The following SLC35F1 variants were observed in gnomAD, a reference collection of about 807,000 sequenced individuals.
The protein encoded by SLC35F1 is chromosome 6 open reading frame 169.
Under a neutral mutation model 48.7 loss-of-function variants are expected in SLC35F1, and 14 were observed. The ratio of observed to expected loss-of-function variants is 0.29; its 90% CI spans 0.19 to 0.45. SLC35F1 has a LOEUF of 0.45. Ranked by LOEUF, SLC35F1 falls within the 20% of genes least tolerant of loss-of-function variation. The pLI is 1.00. For missense variants in SLC35F1, 404 were observed against 500.0 expected (o/e 0.81, Z 1.83); for synonymous variants, 190 against 202.2 (o/e 0.94, Z 0.51).
At chr6:118,160,539 T>G (rs1369542226) in intron 2 of SLC35F1, among the ~76,000 whole-genome samples, 1 of 152,154 alleles carries the variant, frequency 6.6e-6, no homozygotes, top group Non-Finnish European at 1.5e-5. Context: ...GAAAGAATAC[T>G]GAAAAGTGAA....
chr6:117,967,758 C>T (rs1488434179), intron 1 of SLC35F1, among the ~76,000 whole-genome samples: 2 of 152,154 alleles, frequency 1.3e-5, no homozygotes, highest in African/African-American at 2.4e-5. Context: ...TTGGTAGACA[C>T]AGCTACCAAG....
intron 2 of SLC35F1, among the ~76,000 whole-genome samples, chr6:118,191,562 C>T (rs548361188): frequency 2.6e-4 from 39 of 152,082 alleles, no homozygotes; most frequent in Non-Finnish European, 1.5e-5. Flanking sequence ...AGATTATGAA[C>T]CGAAAGTTCA....
intron 1 of SLC35F1, among the ~76,000 whole-genome samples, chr6:118,101,972 T>A (rs1773264757): frequency 6.6e-6 from 1 of 152,148 alleles, no homozygotes; most frequent in South Asian, 2.1e-4. Flanking sequence ...CAGGCATACG[T>A]CTGAGTACCC....
At chr6:118,308,034 A>G (rs1776333057) in intron 7 of SLC35F1, among the ~76,000 whole-genome samples, 1 of 152,162 alleles carries the variant, frequency 6.6e-6, no homozygotes, top group South Asian at 2.1e-4. Context: ...CGAAAGGTCC[A>G]CCCTTTAATT....
At chr6:117,936,190 G>C (rs945948870) in intron 1 of SLC35F1, among the ~76,000 whole-genome samples, 1 of 152,192 alleles carries the variant, frequency 6.6e-6, no homozygotes, top group Admixed American at 6.5e-5. Flanking sequence ...GTGCTGCCAA[G>C]TGTGGTGTTT....
intron 1 of SLC35F1, among the ~76,000 whole-genome samples, chr6:118,096,330 T>A (rs188667333): frequency 3.2e-4 from 48 of 152,342 alleles, no homozygotes; most frequent in Middle Eastern, 3.4e-3. Context: ...TTTCCTTTAG[T>A]TAACGCATAG....
chr6:118,156,133 T>C (rs1175521566), intron 2 of SLC35F1, among the ~76,000 whole-genome samples: 1 of 152,142 alleles, frequency 6.6e-6, no homozygotes, highest in Non-Finnish European at 1.5e-5. Flanking sequence ...AAGAATAAAA[T>C]AGGCCACCAA....
intron 1 of SLC35F1, among the ~76,000 whole-genome samples, chr6:117,939,907 C>T (rs973034968): frequency 5.9e-5 from 9 of 152,070 alleles, no homozygotes; most frequent in African/African-American, 2.2e-4. Flanking sequence ...TTCCTCAGGT[C>T]CTATAGCCCT....
At chr6:118,266,267 C>T (rs1329335440) in intron 3 of SLC35F1, among the ~76,000 whole-genome samples, 2 of 152,130 alleles carry the variant, frequency 1.3e-5, no homozygotes, top group African/African-American at 4.8e-5. Context: ...TCTCTATCAA[C>T]TCTTTGGACT....
intron 1 of SLC35F1, among the ~76,000 whole-genome samples, chr6:118,072,575 A>C (rs182294531): frequency 6.6e-6 from 1 of 152,174 alleles, no homozygotes; most frequent in Non-Finnish European, 1.5e-5. Context: ...AAAAAAGAAA[A>C]AAAAAATTAG....
chr6:117,949,537 A>G (rs1445475147), intron 1 of SLC35F1, among the ~76,000 whole-genome samples: 1 of 152,058 alleles, frequency 6.6e-6, no homozygotes, highest in Non-Finnish European at 1.5e-5. Flanking sequence ...GGTGTGATTT[A>G]TGTGAGACGC....
At chr6:118,135,939 C>G (rs780549466) in intron 1 of SLC35F1, among the ~76,000 whole-genome samples, 1 of 152,156 alleles carries the variant, frequency 6.6e-6, no homozygotes, top group African/African-American at 2.4e-5. Context: ...TGCCAGAGGT[C>G]CTATAAAAGA....
At chr6:118,268,607 T>G (rs1377191215) in intron 4 of SLC35F1, among the ~76,000 whole-genome samples, 2 of 94,528 alleles carry the variant, frequency 2.1e-5, no homozygotes, top group Non-Finnish European at 4.2e-5. Context: ...TATATTTTTT[T>G]TTTTTTTTTT....
chr6:117,947,526 G>C (rs546220661), intron 1 of SLC35F1, among the ~76,000 whole-genome samples: 4 of 152,112 alleles, frequency 2.6e-5, no homozygotes, highest in Non-Finnish European at 5.9e-5. Context: ...GGCAAGAACA[G>C]AATTAGAGAG....
At chr6:117,982,469 A>T (rs1169882580) in intron 1 of SLC35F1, among the ~76,000 whole-genome samples, 1 of 152,230 alleles carries the variant, frequency 6.6e-6, no homozygotes, top group Non-Finnish European at 1.5e-5. Flanking sequence ...TTCCATGCAC[A>T]TAAAATGTTA....
intron 1 of SLC35F1, among the ~76,000 whole-genome samples, chr6:118,148,719 G>A (rs1774011628): frequency 1.3e-5 from 2 of 152,110 alleles, no homozygotes; most frequent in South Asian, 4.1e-4. Flanking sequence ...TGCATCTGGT[G>A]TGTTATTCCA....
At chr6:117,954,930 T>C (rs1248964229) in intron 1 of SLC35F1, among the ~76,000 whole-genome samples, 1 of 152,244 alleles carries the variant, frequency 6.6e-6, no homozygotes, top group East Asian at 1.9e-4. Context: ...AAGCATATTC[T>C]CTTGTAATTC....
intron 1 of SLC35F1, among the ~76,000 whole-genome samples, chr6:117,916,154 G>A (rs1775823562): frequency 6.6e-6 from 1 of 152,170 alleles, no homozygotes; most frequent in Non-Finnish European, 1.5e-5. Context: ...GCCAGACCGT[G>A]ATGAGAACAG....
intron 1 of SLC35F1, among the ~76,000 whole-genome samples, chr6:118,041,835 C>T (rs554281048): frequency 1.3e-5 from 2 of 152,088 alleles, no homozygotes; most frequent in African/African-American, 4.8e-5. Flanking sequence ...ATTGGAAAGG[C>T]AGCGGGTTAG....
Sources: allele counts gnomAD v4.1 joint callset (sites outside exome capture counted in the v4.1 genomes callset), GRCh38; gene constraint gnomAD v4.1.1; transcripts MANE v1.5; gene names NCBI Gene and HGNC (gene_info 2026-07-23, HGNC 2026-07-21).